CNTNAP2: variants seen among roughly 807,000 people sequenced by gnomAD.
The protein encoded by CNTNAP2 is contactin-associated protein-like 2.
CNTNAP2 carries 98 observed loss-of-function variants against 155.2 expected under a neutral mutation model. That is an observed-to-expected ratio of 0.63 (90% CI 0.54 to 0.75). The LOEUF is 0.75. Ranked by LOEUF, CNTNAP2 falls within the 30% of genes least tolerant of loss-of-function variation. The probability of loss-of-function intolerance (pLI) is 0.00; values close to 1 mark genes in which losing one functional copy is unlikely to be tolerated. For synonymous variants in CNTNAP2, 651 were observed against 631.2 expected, an observed-to-expected ratio of 1.03 and a Z score of -0.47; for missense variants, 1,727 against 1,688.1, an observed-to-expected ratio of 1.02 and a Z score of -0.40.
At chr7:147,977,764 A>T in intron 14 of CNTNAP2, 98 bp from the exon 15 acceptor site, 1 of 1,527,700 alleles carries the variant, frequency 6.5e-7, no homozygotes, top group Non-Finnish European at 9.0e-7. Context: ...CCAAACGATT[A>T]CTGAAATGTC....
intron 12 of CNTNAP2, among the ~76,000 whole-genome samples, chr7:147,578,727 A>G (rs1351182364): frequency 6.6e-6 from 1 of 152,106 alleles, no homozygotes; most frequent in Non-Finnish European, 1.5e-5. Flanking sequence ...TATGGGATTT[A>G]TATAAGCATG....
chr7:146,215,154 C>T (rs1799094215), intron 1 of CNTNAP2, among the ~76,000 whole-genome samples: 1 of 152,156 alleles, frequency 6.6e-6, no homozygotes, highest in African/African-American at 2.4e-5. Context: ...ACCTGAACTA[C>T]ATTTTAAAAT....
chr7:146,966,549 ATATT>A (rs1295031415), intron 3 of CNTNAP2, among the ~76,000 whole-genome samples: 1 of 152,154 alleles, frequency 6.6e-6, no homozygotes, highest in Non-Finnish European at 1.5e-5. Context: ...CACCAGATGA[ATATT>A]TATATCTTTG....
intron 21 of CNTNAP2, among the ~76,000 whole-genome samples, chr7:148,334,373 G>A (rs953404870): frequency 6.6e-5 from 10 of 152,294 alleles, no homozygotes; most frequent in African/African-American, 9.6e-5. Context: ...ACAGTCAATC[G>A]GGTGGCCTAC....
intron 20 of CNTNAP2, among the ~76,000 whole-genome samples, chr7:148,247,597 C>CTCTCTCTCTCTCTCTCTA (rs1796287280): frequency 9.8e-6 from 1 of 102,478 alleles, no homozygotes; most frequent in African/African-American, 4.0e-5. Context: ...TTCTCCCATT[C>CTCTCTCTCTCTCTCTCTA]TCTCTCTCTC....
intron 1 of CNTNAP2, among the ~76,000 whole-genome samples, chr7:146,672,179 T>C (rs1327760561): frequency 6.6e-6 from 1 of 152,170 alleles, no homozygotes; most frequent in Non-Finnish European, 1.5e-5. Context: ...ATGCTCTCTC[T>C]CATCCTGGTG....
At chr7:147,119,590 C>T (rs185451597) in intron 5 of CNTNAP2, among the ~76,000 whole-genome samples, 17 of 152,150 alleles carry the variant, frequency 1.1e-4, no homozygotes, top group African/African-American at 3.4e-4. Flanking sequence ...TCTCATTTTA[C>T]GCATACACAC....
chr7:147,439,653 G>C (rs1349587541), intron 10 of CNTNAP2, among the ~76,000 whole-genome samples: 2 of 151,970 alleles, frequency 1.3e-5, no homozygotes, highest in African/African-American at 4.8e-5. Flanking sequence ...CTCTCTGAAA[G>C]ATCTGTCCAA....
chr7:146,638,439 C>T (rs901094418), intron 1 of CNTNAP2, among the ~76,000 whole-genome samples: 3 of 141,784 alleles, frequency 2.1e-5, no homozygotes, highest in Admixed American at 7.1e-5. Flanking sequence ...ATGGATCAGA[C>T]AATATTATTA....
intron 3 of CNTNAP2, among the ~76,000 whole-genome samples, chr7:146,961,262 C>A (rs1022338359): frequency 6.6e-6 from 1 of 152,186 alleles, no homozygotes; most frequent in Non-Finnish European, 1.5e-5. Flanking sequence ...AGCCACCACT[C>A]AGCCCAGGGA....
intron 12 of CNTNAP2, among the ~76,000 whole-genome samples, chr7:147,622,591 T>C (rs956779702): frequency 3.3e-5 from 5 of 151,790 alleles, no homozygotes; most frequent in African/African-American, 7.3e-5. Context: ...CAAATGATGA[T>C]GGAAACACAA....
intron 1 of CNTNAP2, among the ~76,000 whole-genome samples, chr7:146,397,561 A>G (rs1795648315): frequency 6.6e-6 from 1 of 152,222 alleles, no homozygotes; most frequent in South Asian, 2.1e-4. Context: ...ATGATGAGGA[A>G]GGAGTTTTTA....
At chr7:147,194,694 CAT>C (rs1472684985) in intron 8 of CNTNAP2, among the ~76,000 whole-genome samples, 5 of 152,218 alleles carry the variant, frequency 3.3e-5, no homozygotes, top group South Asian at 2.1e-4. Context: ...AGCTTTTTTT[CAT>C]ATGTTTGTTG....
intron 15 of CNTNAP2, among the ~76,000 whole-genome samples, chr7:148,066,133 G>T (rs1803255158): frequency 1.3e-5 from 2 of 152,116 alleles, no homozygotes; most frequent in Non-Finnish European, 2.9e-5. Context: ...TGGCTTGTAG[G>T]GTTTCTGCCG....
intron 9 of CNTNAP2, among the ~76,000 whole-genome samples, chr7:147,372,374 A>G (rs553159312): frequency 1.3e-5 from 2 of 152,232 alleles, no homozygotes; most frequent in African/African-American, 2.4e-5. Flanking sequence ...TATTCTGGGC[A>G]TATTTTAATG....
chr7:146,319,003 C>A (rs956876489), intron 1 of CNTNAP2, among the ~76,000 whole-genome samples: 2 of 152,014 alleles, frequency 1.3e-5, no homozygotes, highest in Non-Finnish European at 2.9e-5. Flanking sequence ...AACTGAGGCA[C>A]AAAAGGTAGA....
At chr7:146,957,405 A>G (rs998184374) in intron 3 of CNTNAP2, among the ~76,000 whole-genome samples, 2 of 152,202 alleles carry the variant, frequency 1.3e-5, no homozygotes, top group Non-Finnish European at 2.9e-5. Context: ...TATGTGGCAT[A>G]TGACTGTACA....
At position 146,298,954 on chromosome 7, in the gene CNTNAP2, A is replaced by G. The variant is rs537265687; in HGVS notation, c.97+181981A>G. Among the ~76,000 whole-genome samples, 9 of 152,304 alleles carry G rather than the reference A, an allele frequency of 5.9e-5. No individual in the cohort carries two copies. In the South Asian group the frequency reaches 6.2e-4, roughly 11 times the overall value. On this transcript the variant is annotated intron_variant, in intron 1 of 23. Transcript: ENST00000361727. Reference sequence around the variant, plus strand: ...CTGTAGAATATAGATGATATGCTGTACTTCAAAATTTCATTGTGAATATTA... The same window carrying G: ...CTGTAGAATATAGATGATATGCTGTGCTTCAAAATTTCATTGTGAATATTA...
At chr7:147,839,109 C>A (rs1342373522) in intron 13 of CNTNAP2, among the ~76,000 whole-genome samples, 2 of 152,120 alleles carry the variant, frequency 1.3e-5, no homozygotes, top group African/African-American at 4.8e-5. Context: ...AAAATATAGA[C>A]CAGAAGACTA....
Sources: gnomAD v4.1 joint callset for allele counts (sites outside exome capture counted in the v4.1 genomes callset) on GRCh38, gnomAD v4.1.1 for gene constraint, MANE v1.5 for transcripts, NCBI Gene and HGNC (gene_info 2026-07-23, HGNC 2026-07-21) for gene names.